The following KLF12 variants were observed in gnomAD, a reference collection of about 807,000 sequenced individuals.
The protein encoded by KLF12 is Krueppel-like factor 12.
In KLF12, 9 loss-of-function variants were observed where a neutral mutation model predicts 37.8. The observed-to-expected ratio is 0.24, with a 90% CI of 0.14 to 0.42. The LOEUF (loss-of-function observed/expected upper bound fraction) is 0.42, where lower values mean the gene tolerates loss of function less well. KLF12 is among the 10% of genes least tolerant of loss of function. KLF12 has a pLI of 1.00. For synonymous variants in KLF12, 208 were observed against 202.1 expected (o/e 1.03, Z -0.25); for missense variants, 411 against 516.0 (o/e 0.80, Z 1.97).
intron 5 of KLF12, among the ~76,000 whole-genome samples, chr13:73,803,566 T>C: frequency 6.6e-6 from 1 of 152,134 alleles, no homozygotes; most frequent in Admixed American, 6.5e-5. Context: ...ATATGCTTAT[T>C]ATAGAATCAT....
the KLF12 span, among the ~76,000 whole-genome samples, chr13:74,139,072 ATCT>A: frequency 3.9e-5 from 6 of 152,006 alleles, no homozygotes; most frequent in African/African-American, 1.5e-4. Flanking sequence ...CTGGGCTTTC[ATCT>A]TCTTTCTGAT....
chr13:73,876,128 G>T (rs1886690407), intron 3 of KLF12, among the ~76,000 whole-genome samples: 1 of 150,442 alleles, frequency 6.6e-6, no homozygotes, highest in Non-Finnish European at 1.5e-5. Flanking sequence ...GCACATTTTA[G>T]CTGGGTGCTA....
At chr13:73,924,398 T>A (rs1215425573) in intron 3 of KLF12, among the ~76,000 whole-genome samples, 4 of 152,208 alleles carry the variant, frequency 2.6e-5, no homozygotes, top group Non-Finnish European at 5.9e-5. Flanking sequence ...CTCCCAATAT[T>A]TCAAATGTTT....
chr13:74,238,408 G>C, the KLF12 span, among the ~76,000 whole-genome samples: 13 of 137,536 alleles, frequency 9.5e-5, no homozygotes, highest in Admixed American at 3.4e-4. Flanking sequence ...TCTCTTTTTT[G>C]GTTGTGTCTC....
chr13:74,258,566 ATCTC>A, the KLF12 span: 1 of 152,212 alleles, frequency 6.6e-6, no homozygotes, highest in East Asian at 1.9e-4. Context: ...GCGGGATCAT[ATCTC>A]TCTCAGTGAC....
chr13:74,056,464 T>C (rs1476413772), intron 1 of KLF12, among the ~76,000 whole-genome samples: 1 of 152,204 alleles, frequency 6.6e-6, no homozygotes, highest in African/African-American at 2.4e-5. Context: ...AATAAGAAAT[T>C]CAACTGACAC....
intron 6 of KLF12, among the ~76,000 whole-genome samples, chr13:73,721,713 A>AT (rs1217945644): frequency 8.6e-6 from 1 of 116,338 alleles, no homozygotes; most frequent in African/African-American, 2.8e-5. Flanking sequence ...CACCATGCCT[A>AT]GTTAATTTTT....
Position 73,805,470 on chromosome 13 carries a change from T to C in KLF12, c.806+7682A>G, listed in dbSNP as rs577517571. ...TTCTGTCTACTAAATATACAAAAAT[T>C]AGCTGGCCTCACGGCACACACTTGT... On this transcript the variant is annotated intron_variant, in intron 5 of 7. Coordinates refer to ENST00000377669, the MANE Select transcript of KLF12 (RefSeq NM_007249.5). Among the ~76,000 whole-genome samples the C allele has an allele frequency of 2.2e-3, 336 of 151,910 alleles. 1 individual carries two copies. The highest frequency in any genetic ancestry group is 7.4e-3 in the African/African-American group (306 of 41,432).
chr13:74,201,140 C>T, the KLF12 span, among the ~76,000 whole-genome samples: 1 of 152,096 alleles, frequency 6.6e-6, no homozygotes, highest in Non-Finnish European at 1.5e-5. Flanking sequence ...GTGTGTGTCC[C>T]AGATCAAATA....
chr13:73,759,106 T>C (rs894129662), intron 6 of KLF12, among the ~76,000 whole-genome samples: 6 of 152,140 alleles, frequency 3.9e-5, no homozygotes, highest in East Asian at 1.9e-4. Flanking sequence ...TCAGCACATA[T>C]ACAGAGAACT....
At chr13:73,828,383 A>G (rs527565834) in intron 4 of KLF12, among the ~76,000 whole-genome samples, 1 of 152,274 alleles carries the variant, frequency 6.6e-6, no homozygotes, top group Non-Finnish European at 1.5e-5. Flanking sequence ...CGTTCTATCT[A>G]TTCTGATAAA....
chr13:74,198,034 AGAAG>A, the KLF12 span, among the ~76,000 whole-genome samples: 1 of 152,192 alleles, frequency 6.6e-6, no homozygotes, highest in Non-Finnish European at 1.5e-5. Flanking sequence ...AAAAAAAGAA[AGAAG>A]GAAGGAAGGA....
At chr13:74,153,473 T>C in the KLF12 span, among the ~76,000 whole-genome samples, 5 of 152,176 alleles carry the variant, frequency 3.3e-5, no homozygotes, top group Admixed American at 6.5e-5. Context: ...ATGTGCTATA[T>C]CTATGCTAAG....
At chr13:74,119,332 C>T (rs6562801) in intron 1 of KLF12, among the ~76,000 whole-genome samples, 27,433 of 142,122 alleles carry the variant, frequency 0.19, 3,309 homozygotes, top group African/African-American at 0.37. Context: ...ACTCTTATCG[C>T]AAAAAAAAAA....
At chr13:74,051,341 AAC>A (rs10678885) in intron 1 of KLF12, among the ~76,000 whole-genome samples, 9,666 of 143,714 alleles carry the variant, frequency 0.067, 431 homozygotes, top group African/African-American at 0.12. Context: ...TACACACACA[AAC>A]ACACACACAC....
At chr13:73,916,024 A>G (rs924623310) in intron 3 of KLF12, among the ~76,000 whole-genome samples, 6 of 152,106 alleles carry the variant, frequency 3.9e-5, no homozygotes, top group African/African-American at 1.4e-4. Flanking sequence ...TAAAATTTGT[A>G]GTGTTCTCTG....
At chr13:74,045,012 G>C (rs116127111) in intron 1 of KLF12, among the ~76,000 whole-genome samples, 2,022 of 152,186 alleles carry the variant, frequency 0.013, 62 homozygotes, top group African/African-American at 0.046. Context: ...ATAGATAAGG[G>C]GGATGAGACA....
intron 1 of KLF12, among the ~76,000 whole-genome samples, chr13:74,052,244 T>G (rs1309080522): frequency 6.6e-6 from 1 of 152,150 alleles, no homozygotes; most frequent in Non-Finnish European, 1.5e-5. Context: ...CAGCTCCATG[T>G]GCCCATCATT....
At chr13:74,084,833 A>G (rs75065512) in intron 1 of KLF12, among the ~76,000 whole-genome samples, 2 of 147,324 alleles carry the variant, frequency 1.4e-5, no homozygotes, top group African/African-American at 5.0e-5. Context: ...CAAAAAAAAA[A>G]GGGATGGGAA....
Sources: gnomAD v4.1 joint callset for allele counts (sites outside exome capture counted in the v4.1 genomes callset) on GRCh38, gnomAD v4.1.1 for gene constraint, MANE v1.5 for transcripts, NCBI Gene and HGNC (gene_info 2026-07-23, HGNC 2026-07-21) for gene names.